CNTNAP5: variants seen among roughly 807,000 people sequenced by gnomAD.
CNTNAP5 encodes contactin associated protein family member 5, also known as contactin-associated protein-like 5.
In CNTNAP5, 72 loss-of-function variants were observed where a neutral mutation model predicts 150.2. The ratio of observed to expected loss-of-function variants is 0.48; its 90% CI spans 0.40 to 0.58. The LOEUF (loss-of-function observed/expected upper bound fraction) is 0.58. CNTNAP5 is among the 20% of genes least tolerant of loss of function. The probability of loss-of-function intolerance (pLI) is 0.00; values close to 1 mark genes in which losing one functional copy is unlikely to be tolerated. For synonymous variants in CNTNAP5, 672 were observed against 619.8 expected (o/e 1.08, Z -1.25); for missense variants, 1,636 against 1,626.2 (o/e 1.01, Z -0.10).
chr2:124,821,549 G>A (rs184516917), intron 19 of CNTNAP5, among the ~76,000 whole-genome samples: 31 of 152,282 alleles, frequency 2.0e-4, no homozygotes, highest in Non-Finnish European at 2.6e-4. Context: ...GAAAACCACC[G>A]CTTTAAGGTC....
At chr2:124,062,689 C>T (rs1365514270) in intron 1 of CNTNAP5, among the ~76,000 whole-genome samples, 1 of 152,070 alleles carries the variant, frequency 6.6e-6, no homozygotes, top group East Asian at 1.9e-4. Context: ...TAGAGTGGTG[C>T]CTGTGGATTT....
At chr2:124,822,585 C>A (rs1332836282) in intron 19 of CNTNAP5, among the ~76,000 whole-genome samples, 2 of 152,102 alleles carry the variant, frequency 1.3e-5, no homozygotes, top group African/African-American at 4.8e-5. Flanking sequence ...GTCATTTAGT[C>A]TTTTCTTTAA....
At chr2:124,202,843 C>T (rs1014980340) in intron 1 of CNTNAP5, among the ~76,000 whole-genome samples, 5 of 152,096 alleles carry the variant, frequency 3.3e-5, no homozygotes, top group South Asian at 2.1e-4. Flanking sequence ...CCTCCTATAA[C>T]ACATGGGAAT....
chr2:124,338,167 T>C (rs1689523883), intron 3 of CNTNAP5, among the ~76,000 whole-genome samples: 1 of 152,090 alleles, frequency 6.6e-6, no homozygotes, highest in Non-Finnish European at 1.5e-5. Context: ...GCTCTCTGTT[T>C]GTCTGTTGTT....
chr2:124,602,388 C>A (rs1697007454), intron 11 of CNTNAP5, among the ~76,000 whole-genome samples: 1 of 151,396 alleles, frequency 6.6e-6, no homozygotes, highest in Non-Finnish European at 1.5e-5. Flanking sequence ...TGTAATTGTC[C>A]CACATGTATC....
intron 13 of CNTNAP5, among the ~76,000 whole-genome samples, chr2:124,705,883 A>G (rs1679626522): frequency 6.6e-6 from 1 of 152,110 alleles, no homozygotes; most frequent in Non-Finnish European, 1.5e-5. Context: ...TTGGTTCATC[A>G]TGCTTTACCA....
chr2:124,299,227 A>G (rs2104643916), intron 3 of CNTNAP5, among the ~76,000 whole-genome samples: 1 of 152,260 alleles, frequency 6.6e-6, no homozygotes, highest in Non-Finnish European at 1.5e-5. Flanking sequence ...GCTCCCCCAC[A>G]GTGTGCATTC....
chr2:124,680,780 A>G (rs1573543631), intron 13 of CNTNAP5: 1 of 151,988 alleles, frequency 6.6e-6, no homozygotes, highest in Middle Eastern at 3.4e-3. Context: ...TGTAAGGATG[A>G]TGCTAATGAT....
chr2:124,602,234 C>T (rs1316956256), intron 11 of CNTNAP5, among the ~76,000 whole-genome samples: 4 of 147,990 alleles, frequency 2.7e-5, no homozygotes, highest in Non-Finnish European at 5.9e-5. Flanking sequence ...CCCAGCTACT[C>T]GGGAGGCTGA....
At chr2:124,426,502 T>C (rs1323526571) in intron 4 of CNTNAP5, among the ~76,000 whole-genome samples, 1 of 152,198 alleles carries the variant, frequency 6.6e-6, no homozygotes, top group African/African-American at 2.4e-5. Flanking sequence ...AGCTTCAAAA[T>C]GTAATTGTAT....
At chr2:124,355,583 T>G (rs577427967) in intron 3 of CNTNAP5, among the ~76,000 whole-genome samples, 1 of 152,274 alleles carries the variant, frequency 6.6e-6, no homozygotes, top group South Asian at 2.1e-4. Flanking sequence ...TGACTTTCCT[T>G]TACTTCATTT....
chr2:124,111,465 T>C (rs972756990), intron 1 of CNTNAP5, among the ~76,000 whole-genome samples: 1 of 152,218 alleles, frequency 6.6e-6, no homozygotes, highest in African/African-American at 2.4e-5. Flanking sequence ...ATATCACTCG[T>C]ACACTGATGC....
chr2:124,773,267 T>A (rs931886423), intron 17 of CNTNAP5, among the ~76,000 whole-genome samples: 8 of 152,200 alleles, frequency 5.3e-5, no homozygotes, highest in African/African-American at 1.9e-4. Context: ...TTTGTAATAT[T>A]GTCTTCAGAT....
chr2:124,036,524 C>A (rs186412505), intron 1 of CNTNAP5, among the ~76,000 whole-genome samples: 16 of 152,126 alleles, frequency 1.1e-4, no homozygotes, highest in African/African-American at 3.9e-4. Flanking sequence ...AGGGCAGATG[C>A]TTTCTGATAG....
At chr2:124,652,334 CA>C (rs150376672) in intron 13 of CNTNAP5, among the ~76,000 whole-genome samples, 29 of 152,194 alleles carry the variant, frequency 1.9e-4, no homozygotes, top group Middle Eastern at 3.4e-3. Flanking sequence ...GTACAGAGCC[CA>C]GGGGGGGAGA....
At chr2:124,454,740 C>G (rs1351740593) in intron 6 of CNTNAP5, among the ~76,000 whole-genome samples, 1 of 152,082 alleles carries the variant, frequency 6.6e-6, no homozygotes, top group Non-Finnish European at 1.5e-5. Context: ...CCAAAAGGAA[C>G]ATTCAAAACC....
chr2:124,599,058 A>C (rs981260878), intron 11 of CNTNAP5, among the ~76,000 whole-genome samples: 1 of 152,006 alleles, frequency 6.6e-6, no homozygotes, highest in East Asian at 1.9e-4. Context: ...CTCCCTAGTG[A>C]GATGAACCCG....
intron 19 of CNTNAP5, among the ~76,000 whole-genome samples, chr2:124,829,600 A>C (rs564131175): frequency 7.5e-6 from 1 of 134,020 alleles, no homozygotes; most frequent in Non-Finnish European, 1.5e-5. Flanking sequence ...ATTAGAAATT[A>C]AAAAAAAAAA....
At chr2:124,762,907 C>T (rs1168617723) in intron 14 of CNTNAP5, among the ~76,000 whole-genome samples, 2 of 152,034 alleles carry the variant, frequency 1.3e-5, no homozygotes, top group African/African-American at 4.8e-5. Context: ...TACCTATCCC[C>T]TAGTTTATTT....
Sources: allele counts gnomAD v4.1 joint callset (sites outside exome capture counted in the v4.1 genomes callset), GRCh38; gene constraint gnomAD v4.1.1; transcripts MANE v1.5; gene names NCBI Gene and HGNC (gene_info 2026-07-23, HGNC 2026-07-21).